The following CDHR3 variants were observed in gnomAD, a reference collection of about 807,000 sequenced individuals.
CDHR3 encodes cadherin related family member 3.
CDHR3 carries 79 observed loss-of-function variants against 86.6 expected under a neutral mutation model. The observed-to-expected ratio is 0.91, with a 90% CI of 0.76 to 1.10. The LOEUF (loss-of-function observed/expected upper bound fraction) is 1.10, where lower values mean the gene tolerates loss of function less well. Ranked by LOEUF, CDHR3 falls within the 50% of genes least tolerant of loss-of-function variation. The pLI is 0.00. For synonymous variants in CDHR3, 421 were observed against 402.4 expected (o/e 1.05, Z -0.55); for missense variants, 1,081 against 1,077.6 (o/e 1.00, Z -0.04).
At chr7:106,003,988 C>T (rs1240566640) in intron 7 of CDHR3, among the ~76,000 whole-genome samples, 8 of 22,534 alleles carry the variant, frequency 3.6e-4, no homozygotes, top group Admixed American at 5.3e-4. Context: ...ACCAACCTAA[C>T]CAAAAAAAAA....
At chr7:105,995,303 C>A (rs932420204) in intron 5 of CDHR3, among the ~76,000 whole-genome samples, 32 of 151,872 alleles carry the variant, frequency 2.1e-4, no homozygotes, top group Non-Finnish European at 4.1e-4. Flanking sequence ...GTATTGTAAA[C>A]CATACATAGT....
At chr7:105,981,491 T>TG (rs1003231161) in intron 3 of CDHR3, among the ~76,000 whole-genome samples, 3 of 152,118 alleles carry the variant, frequency 2.0e-5, no homozygotes, top group African/African-American at 7.2e-5. Flanking sequence ...ATTCTCCCCA[T>TG]GGACTCTGAC....
intron 2 of CDHR3, among the ~76,000 whole-genome samples, chr7:105,977,008 G>T (rs1344402744): frequency 1.4e-5 from 2 of 147,570 alleles, no homozygotes; most frequent in Admixed American, 6.8e-5. Context: ...TTTGAGATGG[G>T]GTCTCACTAT....
intron 8 of CDHR3, among the ~76,000 whole-genome samples, chr7:106,005,272 T>A (rs1833794536): frequency 6.6e-6 from 1 of 152,264 alleles, no homozygotes; most frequent in South Asian, 2.1e-4. Flanking sequence ...TGATCTTGTA[T>A]ATTTTGACTC....
intron 4 of CDHR3, among the ~76,000 whole-genome samples, chr7:105,987,667 T>C (rs79971835): frequency 9.8e-4 from 149 of 152,306 alleles, no homozygotes; most frequent in Non-Finnish European, 1.7e-3. Context: ...TCTGATGTGA[T>C]TGGACTTGGA....
intron 6 of CDHR3, among the ~76,000 whole-genome samples, chr7:105,998,051 C>T (rs907978908): frequency 6.6e-6 from 1 of 152,072 alleles, no homozygotes. Context: ...GGCAGGGTGG[C>T]TGCCCAGGCT....
intron 11 of CDHR3, among the ~76,000 whole-genome samples, chr7:106,017,580 C>G (rs1001598910): frequency 6.6e-6 from 1 of 151,006 alleles, no homozygotes; most frequent in South Asian, 2.1e-4. Flanking sequence ...CACACACACA[C>G]ACACACACAC....
At chr7:105,974,025 A>C (rs965463393) in intron 1 of CDHR3, among the ~76,000 whole-genome samples, 5 of 152,314 alleles carry the variant, frequency 3.3e-5, no homozygotes, top group Admixed American at 2.0e-4. Context: ...ACACTGTTCA[A>C]CCCACAACAG....
chr7:105,981,015 C>A lies in CDHR3; in HGVS notation c.297C>A (p.Asn99Lys). Residue 99 changes from asparagine to lysine, a missense_variant, in exon 3 of 19, where the codon AAC (asparagine) becomes AAA (lysine). Coordinates refer to ENST00000317716, the MANE Select transcript of CDHR3 (RefSeq NM_152750.5). ...AACTAGATTTTGAAACAGGACCAAA[C>A]ATATTTGATTTGCAGATTTATGTGA... ...MEQLDFETGP[N>K]IFDLQIYVKD... 6.2e-7 allele frequency: 1 copy of A among 1,611,368 alleles called. No homozygotes were observed. The highest frequency in any genetic ancestry group is 1.7e-5 in the Admixed American group (1 of 59,664).
At chr7:106,000,430 G>A (rs1471335212) in intron 6 of CDHR3, among the ~76,000 whole-genome samples, 1 of 152,186 alleles carries the variant, frequency 6.6e-6, no homozygotes, top group African/African-American at 2.4e-5. Flanking sequence ...TAGGGATGGT[G>A]AGATAGCACA....
chr7:106,032,336 A>G (rs1585889317), intron 18 of CDHR3, 57 bp from the exon 19 acceptor site: 1 of 1,495,012 alleles, frequency 6.7e-7, no homozygotes, highest in Non-Finnish European at 9.1e-7. Context: ...AAGTGGGGGA[A>G]GAGACAGTCA....
intron 6 of CDHR3, among the ~76,000 whole-genome samples, chr7:105,998,366 C>T (rs1294317128): frequency 1.3e-5 from 2 of 152,238 alleles, no homozygotes; most frequent in African/African-American, 4.8e-5. Flanking sequence ...ACAACCAAAG[C>T]AAGTCCTATG....
chr7:105,981,585 C>T (rs1829743302), intron 3 of CDHR3, among the ~76,000 whole-genome samples: 1 of 152,170 alleles, frequency 6.6e-6, no homozygotes, highest in African/African-American at 2.4e-5. Flanking sequence ...ACAGGATCTC[C>T]CCCAAGCTCA....
At chr7:106,009,926 C>CTGGGAGCGAGGGCAGCTCGCTT (rs1834537452) in intron 8 of CDHR3, among the ~76,000 whole-genome samples, 3 of 152,174 alleles carry the variant, frequency 2.0e-5, no homozygotes, top group Admixed American at 2.0e-4. Flanking sequence ...GGTCTGATGG[C>CTGGGAGCGAGGGCAGCTCGCTT]TGGGAGCGAG....
At chr7:106,012,300 C>CG (rs1371625578) in intron 8 of CDHR3, among the ~76,000 whole-genome samples, 1 of 151,936 alleles carries the variant, frequency 6.6e-6, no homozygotes, top group Non-Finnish European at 1.5e-5. Context: ...GAGGAAGTAC[C>CG]GGGCAGGGAA....
chr7:105,974,268 G>C (rs1828430130), intron 1 of CDHR3, among the ~76,000 whole-genome samples: 1 of 152,200 alleles, frequency 6.6e-6, no homozygotes, highest in Non-Finnish European at 1.5e-5. Flanking sequence ...CCAACCAAGA[G>C]GTACTGCTTG....
intron 7 of CDHR3, among the ~76,000 whole-genome samples, chr7:106,002,028 T>G (rs1331915022): frequency 3.3e-5 from 5 of 152,204 alleles, no homozygotes; most frequent in Admixed American, 3.3e-4. Flanking sequence ...CTTCTGGTAT[T>G]GGGCATGTCT....
At chr7:106,028,916 T>TTCTCTTTCTTTCTTTCTTTCTC (rs1491327817) in intron 17 of CDHR3, among the ~76,000 whole-genome samples, 18 of 83,082 alleles carry the variant, frequency 2.2e-4, no homozygotes, top group Admixed American at 9.2e-4. Context: ...GAGATTTAAA[T>TTCTCTTTCTTTCTTTCTTTCTC]TTTCTTTCTT....
intron 13 of CDHR3, among the ~76,000 whole-genome samples, chr7:106,021,000 A>G (rs1836482794): frequency 6.6e-6 from 1 of 152,174 alleles, no homozygotes; most frequent in Non-Finnish European, 1.5e-5. Context: ...AATGCAGTCC[A>G]ACTTTTCGAC....
Sources: gnomAD v4.1 joint callset for allele counts (sites outside exome capture counted in the v4.1 genomes callset) on GRCh38, gnomAD v4.1.1 for gene constraint, MANE v1.5 for transcripts, NCBI Gene and HGNC (gene_info 2026-07-23, HGNC 2026-07-21) for gene names.